Variants in AUTS2 observed in about 807,000 individuals in gnomAD.
AUTS2 encodes activator of transcription and developmental regulator AUTS2.
A neutral mutation model predicts 112.4 loss-of-function variants in AUTS2; 17 were observed. The ratio of observed to expected loss-of-function variants is 0.15; its 90% confidence interval spans 0.10 to 0.23. The LOEUF (loss-of-function observed/expected upper bound fraction) is 0.23, where lower values mean the gene tolerates loss of function less well. Ranked by LOEUF, AUTS2 falls within the 10% of genes least tolerant of loss-of-function variation. The pLI is 1.00. For synonymous variants in AUTS2, 751 were observed against 702.7 expected, an observed-to-expected ratio of 1.07 and a Z score of -1.09; for missense variants, 1,510 against 1,701.6, an observed-to-expected ratio of 0.89 and a Z score of 1.98.
At chr7:70,474,510 A>G (rs1797507761) in intron 5 of AUTS2, among the ~76,000 whole-genome samples, 1 of 152,196 alleles carries the variant, frequency 6.6e-6, no homozygotes, top group Admixed American at 6.5e-5. Flanking sequence ...CATCTGTTCA[A>G]AGCTTGGCTT....
intron 1 of AUTS2, among the ~76,000 whole-genome samples, chr7:69,767,167 C>T (rs193024047): frequency 6.6e-6 from 1 of 151,740 alleles, no homozygotes; most frequent in African/African-American, 2.4e-5. Context: ...ATTACAAGGA[C>T]ATTTCTTTGT....
At chr7:70,240,549 T>C (rs554901004) in intron 4 of AUTS2, among the ~76,000 whole-genome samples, 2 of 152,306 alleles carry the variant, frequency 1.3e-5, no homozygotes, top group South Asian at 2.1e-4. Context: ...TACTAACATC[T>C]TTCCAGAAAC....
At chr7:69,838,940 C>T (rs1324434244) in intron 1 of AUTS2, among the ~76,000 whole-genome samples, 2 of 152,140 alleles carry the variant, frequency 1.3e-5, no homozygotes, top group African/African-American at 2.4e-5. Context: ...CCAGATTGCT[C>T]TCTTTTGGGT....
chr7:70,402,362 C>A (rs1049139906), intron 4 of AUTS2, among the ~76,000 whole-genome samples: 6 of 152,246 alleles, frequency 3.9e-5, no homozygotes, highest in Non-Finnish European at 8.8e-5. Flanking sequence ...AGCCACTCCA[C>A]TGAAGTGGGG....
chr7:70,582,196 C>T (rs1399152270), intron 5 of AUTS2, among the ~76,000 whole-genome samples: 1 of 151,956 alleles, frequency 6.6e-6, no homozygotes, highest in Non-Finnish European at 1.5e-5. Context: ...TTTTCTTTAT[C>T]GTTATCATTA....
chr7:70,393,209 A>G (rs1338760145), intron 4 of AUTS2, among the ~76,000 whole-genome samples: 1 of 152,162 alleles, frequency 6.6e-6, no homozygotes, highest in Non-Finnish European at 1.5e-5. Flanking sequence ...GAAAAACTCA[A>G]TCAGCTTTTC....
At chr7:69,883,274 T>C (rs1043831819) in intron 1 of AUTS2, among the ~76,000 whole-genome samples, 1 of 151,134 alleles carries the variant, frequency 6.6e-6, no homozygotes, top group African/African-American at 2.4e-5. Flanking sequence ...GGGTGGAGCA[T>C]AGAGTTCCTT....
chr7:70,473,036 C>T (rs1375535045), intron 5 of AUTS2, among the ~76,000 whole-genome samples: 1 of 152,184 alleles, frequency 6.6e-6, no homozygotes, highest in Non-Finnish European at 1.5e-5. Context: ...TCTGATCTTT[C>T]ATTTTCCCGT....
At chr7:69,716,410 A>G (rs1423477883) in intron 1 of AUTS2, among the ~76,000 whole-genome samples, 5 of 152,112 alleles carry the variant, frequency 3.3e-5, no homozygotes, top group Non-Finnish European at 7.3e-5. Context: ...TAGACAAATT[A>G]AGAGAAATTT....
At chr7:69,746,855 A>G (rs1021927611) in intron 1 of AUTS2, among the ~76,000 whole-genome samples, 1 of 151,996 alleles carries the variant, frequency 6.6e-6, no homozygotes, top group Non-Finnish European at 1.5e-5. Flanking sequence ...TGTGGGGGGA[A>G]ACTCAGATCT....
chr7:69,667,150 T>G (rs1271157850), intron 1 of AUTS2, among the ~76,000 whole-genome samples: 1 of 152,044 alleles, frequency 6.6e-6, no homozygotes, highest in African/African-American at 2.4e-5. Flanking sequence ...CTAGTTCAGA[T>G]CTCTCTTCTG....
intron 5 of AUTS2, among the ~76,000 whole-genome samples, chr7:70,544,032 G>A (rs1282169210): frequency 2.0e-5 from 3 of 152,200 alleles, no homozygotes; most frequent in Non-Finnish European, 4.4e-5. Flanking sequence ...GTCTGCCCCA[G>A]TAAGCAGGCA....
chr7:70,672,898 G>A (rs542879759), intron 5 of AUTS2, among the ~76,000 whole-genome samples: 104 of 152,316 alleles, frequency 6.8e-4, no homozygotes, highest in African/African-American at 2.4e-3. Context: ...ACCATGTCCG[G>A]CCAGGACACG....
chr7:70,685,488 A>G (rs2129545699), intron 5 of AUTS2, among the ~76,000 whole-genome samples: 1 of 150,650 alleles, frequency 6.6e-6, no homozygotes, highest in African/African-American at 2.5e-5. Context: ...AAAAAAAAAA[A>G]AAAAAGAAGA....
chr7:69,924,218 T>C (rs998572799), intron 2 of AUTS2, among the ~76,000 whole-genome samples: 5 of 152,320 alleles, frequency 3.3e-5, no homozygotes, highest in South Asian at 2.1e-4. Flanking sequence ...TTTTTTTGTT[T>C]ATTAATATAG....
chr7:70,627,317 G>A (rs953674505), intron 5 of AUTS2, among the ~76,000 whole-genome samples: 1 of 152,158 alleles, frequency 6.6e-6, no homozygotes, highest in Non-Finnish European at 1.5e-5. Context: ...AAGTGTCTGT[G>A]TGTTTTACCC....
At chr7:70,009,885 T>G (rs933459645) in intron 2 of AUTS2, among the ~76,000 whole-genome samples, 4 of 152,168 alleles carry the variant, frequency 2.6e-5, no homozygotes, top group Non-Finnish European at 4.4e-5. Flanking sequence ...CCATCCTTTC[T>G]TTTTTTAAAG....
At chr7:70,129,989 G>A (rs568977271) in intron 3 of AUTS2, among the ~76,000 whole-genome samples, 15 of 151,734 alleles carry the variant, frequency 9.9e-5, no homozygotes, top group African/African-American at 3.6e-4. Context: ...AAGATTTCAG[G>A]TTTTTAAAAC....
At chr7:70,223,595 A>C (rs1811599355) in intron 4 of AUTS2, among the ~76,000 whole-genome samples, 1 of 152,210 alleles carries the variant, frequency 6.6e-6, no homozygotes, top group Admixed American at 6.5e-5. Context: ...TTATGTATTT[A>C]CTATACTGTA....
Sources: gnomAD v4.1 joint callset for allele counts (sites outside exome capture counted in the v4.1 genomes callset) on GRCh38, gnomAD v4.1.1 for gene constraint, MANE v1.5 for transcripts, NCBI Gene and HGNC (gene_info 2026-07-23, HGNC 2026-07-21) for gene names.